The following XKR9 variants were observed in gnomAD, a reference collection of about 807,000 sequenced individuals.
The protein encoded by XKR9 is XK-related protein 9.
A neutral mutation model predicts 32.0 loss-of-function variants in XKR9; 32 were observed. The ratio of observed to expected loss-of-function variants is 1.00; its 90% CI spans 0.76 to 1.34. XKR9 has a LOEUF of 1.34. Among genes scored for constraint, XKR9 ranks in the 40% most tolerant of loss-of-function variants. The pLI is 0.00. For synonymous variants in XKR9, 168 were observed against 143.4 expected, an observed-to-expected ratio of 1.17 and a Z score of -1.22; for missense variants, 546 against 429.7, an observed-to-expected ratio of 1.27 and a Z score of -2.39.
At chr8:71,007,851 T>TA in the XKR9 span, among the ~76,000 whole-genome samples, 14 of 151,990 alleles carry the variant, frequency 9.2e-5, no homozygotes, top group East Asian at 2.7e-3. Context: ...GCATACGTAA[T>TA]AAAAAAGGGC....
intron 3 of XKR9, among the ~76,000 whole-genome samples, chr8:70,695,317 T>G: frequency 1.0e-5 from 1 of 96,740 alleles, no homozygotes; most frequent in Non-Finnish European, 2.2e-5. Context: ...CCTAATGCTA[T>G]CCCTCCCCCC....
At chr8:70,883,030 G>A in the XKR9 span, among the ~76,000 whole-genome samples, 2 of 151,632 alleles carry the variant, frequency 1.3e-5, no homozygotes, top group African/African-American at 2.4e-5. Flanking sequence ...TTGGTTACAT[G>A]GATGAGTTCT....
the XKR9 span, among the ~76,000 whole-genome samples, chr8:70,817,867 A>G: frequency 1.3e-5 from 2 of 152,228 alleles, no homozygotes; most frequent in Admixed American, 1.3e-4. Flanking sequence ...TAGGGAAAAC[A>G]CTCCATATTC....
intron 3 of XKR9, among the ~76,000 whole-genome samples, chr8:70,706,068 G>A (rs1805707576): frequency 6.6e-6 from 1 of 152,130 alleles, no homozygotes; most frequent in African/African-American, 2.4e-5. Flanking sequence ...AATGGGAAAC[G>A]TTGGCAGAAG....
the XKR9 span, among the ~76,000 whole-genome samples, chr8:70,857,916 T>C: frequency 6.6e-6 from 1 of 151,946 alleles, no homozygotes; most frequent in Non-Finnish European, 1.5e-5. Context: ...AATTCAACAA[T>C]GCTTCATCCT....
chr8:71,061,374 T>C, the XKR9 span, among the ~76,000 whole-genome samples: 106 of 152,228 alleles, frequency 7.0e-4, 3 homozygotes, highest in South Asian at 0.017. Context: ...CCAGAACCCA[T>C]AGGAGGCAGC....
the XKR9 span, among the ~76,000 whole-genome samples, chr8:71,042,966 A>G: frequency 9.9e-5 from 15 of 152,164 alleles, no homozygotes; most frequent in African/African-American, 3.1e-4. Context: ...ACCATTTGTT[A>G]GACTGAGGAG....
At chr8:70,859,004 T>G in the XKR9 span, among the ~76,000 whole-genome samples, 1 of 151,836 alleles carries the variant, frequency 6.6e-6, no homozygotes, top group Non-Finnish European at 1.5e-5. Context: ...CATAGACAAA[T>G]AGGATGACAT....
At chr8:70,906,592 G>T in the XKR9 span, among the ~76,000 whole-genome samples, 1 of 152,146 alleles carries the variant, frequency 6.6e-6, no homozygotes, top group African/African-American at 2.4e-5. Context: ...GTGAATGTTG[G>T]CCATAATGCC....
In XKR9 at chr8:70,681,055, C is replaced by A. The variant is rs374759234; in HGVS notation, c.-4C>A. The A allele has an allele frequency of 6.2e-7, 1 of 1,600,284 alleles. No homozygotes were observed. Among genetic ancestry groups the A allele is most frequent in the Admixed American group, 1.7e-5 (1 of 58,036 alleles). ...TAGATAACGAAAAGCTATAGTCATTCGTAATGAAATATACTAAACAGAATT... is the reference window on the plus strand; with the variant it reads ...TAGATAACGAAAAGCTATAGTCATTAGTAATGAAATATACTAAACAGAATT... On this transcript the variant is annotated 5_prime_UTR_variant, in exon 3 of 5. Transcript: ENST00000408926.
the XKR9 span, among the ~76,000 whole-genome samples, chr8:71,031,829 C>G: frequency 2.4e-4 from 37 of 152,168 alleles, no homozygotes; most frequent in East Asian, 6.0e-3. Flanking sequence ...TTATCATCAC[C>G]CTAAATATCA....
At chr8:71,008,005 G>C in the XKR9 span, among the ~76,000 whole-genome samples, 1 of 151,796 alleles carries the variant, frequency 6.6e-6, no homozygotes, top group East Asian at 1.9e-4. Flanking sequence ...AAAGAATAAT[G>C]AATATTTCAT....
At position 70,755,845 on chromosome 8, in the gene XKR9, G is replaced by A. The variant is rs1807216176; in HGVS notation, n.353-33494G>A. Among the ~76,000 whole-genome samples, 3 of 151,536 alleles carry A rather than the reference G, an allele frequency of 2.0e-5. No homozygotes were observed. In the South Asian group the frequency reaches 6.3e-4, roughly 32 times the overall value. On this transcript the variant is annotated intron_variant and non_coding_transcript_variant, in intron 2 of 3. Coordinates refer to the XKR9 transcript ENST00000520273. ...TTAATGGGTGCAGCACACCAGCATGGCACATGTATACATATGTAACTAATC... is the reference window on the plus strand; with the variant it reads ...TTAATGGGTGCAGCACACCAGCATGACACATGTATACATATGTAACTAATC...
intron 3 of XKR9, among the ~76,000 whole-genome samples, chr8:70,695,174 T>A (rs145545695): frequency 0.016 from 2,357 of 151,420 alleles, 44 homozygotes; most frequent in Middle Eastern, 0.045. Flanking sequence ...AAAAAATTTT[T>A]TTTTATTTTA....
At chr8:70,713,163 A>T (rs13280922) in intron 4 of XKR9, among the ~76,000 whole-genome samples, 1 of 152,006 alleles carries the variant, frequency 6.6e-6, no homozygotes, top group African/African-American at 2.4e-5. Flanking sequence ...AAAGGAACAA[A>T]TTAGCAGATT....
At chr8:70,934,520 A>G in the XKR9 span, among the ~76,000 whole-genome samples, 4 of 152,024 alleles carry the variant, frequency 2.6e-5, no homozygotes, top group South Asian at 2.1e-4. Flanking sequence ...TATTGCAACT[A>G]TTTTAGTATT....
chr8:70,832,670 C>T, the XKR9 span, among the ~76,000 whole-genome samples: 3 of 152,058 alleles, frequency 2.0e-5, no homozygotes, highest in African/African-American at 7.2e-5. Context: ...AGACAGTTAA[C>T]CCATTTAATC....
intron 2 of XKR9, among the ~76,000 whole-genome samples, chr8:70,742,215 ACT>A (rs1806997299): frequency 6.6e-6 from 1 of 152,204 alleles, no homozygotes; most frequent in Non-Finnish European, 1.5e-5. Flanking sequence ...CTGGGCAAAA[ACT>A]CAGTAATATG....
At chr8:70,688,421 A>ATT (rs561074619) in intron 3 of XKR9, among the ~76,000 whole-genome samples, 6 of 145,058 alleles carry the variant, frequency 4.1e-5, no homozygotes, top group African/African-American at 1.5e-4. Flanking sequence ...CACAGGCCAC[A>ATT]TTTTTTTTTT....
Sources: allele counts gnomAD v4.1 joint callset (sites outside exome capture counted in the v4.1 genomes callset), GRCh38; gene constraint gnomAD v4.1.1; transcripts MANE v1.5; gene names NCBI Gene and HGNC (gene_info 2026-07-23, HGNC 2026-07-21).